Variants in TRMT11 observed in about 807,000 individuals in gnomAD.
TRMT11 encodes the protein tRNA methyltransferase 11.
A neutral mutation model predicts 62.8 loss-of-function variants in TRMT11; 53 were observed. That is an observed-to-expected ratio of 0.84 (90% CI 0.68 to 1.06). The LOEUF is 1.06. TRMT11 is among the 50% of genes least tolerant of loss of function. The pLI is 0.00. For synonymous variants in TRMT11, 188 were observed against 190.3 expected (o/e 0.99, Z 0.10); for missense variants, 556 against 553.4 (o/e 1.00, Z -0.05).
At chr6:126,003,578 G>A (rs1170774482) in intron 7 of TRMT11, among the ~76,000 whole-genome samples, 1 of 151,938 alleles carries the variant, frequency 6.6e-6, no homozygotes, top group Non-Finnish European at 1.5e-5. Context: ...TTGTTCTGTT[G>A]GGTGAAAAAT....
intron 1 of TRMT11, among the ~76,000 whole-genome samples, chr6:125,988,482 A>G (rs1790032370): frequency 6.6e-6 from 1 of 152,206 alleles, no homozygotes. Context: ...ATACAAGGGC[A>G]TGGTGGGAGG....
At chr6:126,233,038 C>A in the TRMT11 span, among the ~76,000 whole-genome samples, 2 of 152,024 alleles carry the variant, frequency 1.3e-5, no homozygotes, top group Admixed American at 1.3e-4. Context: ...GTTCTGCATG[C>A]TTTTTGTTTC....
chr6:126,183,811 CACTGGGGACGAT>C (rs1438935428), intron 1 of TRMT11, among the ~76,000 whole-genome samples: 4 of 146,498 alleles, frequency 2.7e-5, no homozygotes, highest in African/African-American at 1.0e-4. Flanking sequence ...CTTTTTAAGG[CACTGGGGACGAT>C]ACGTGGGGAA....
chr6:126,244,260 A>G, the TRMT11 span, among the ~76,000 whole-genome samples: 2 of 151,978 alleles, frequency 1.3e-5, no homozygotes, highest in Admixed American at 1.3e-4. Context: ...ATTTTTTTAT[A>G]ATATAAGCTT....
At chr6:126,199,010 A>G (rs111571086) in intron 2 of TRMT11, 21 of 152,378 alleles carry the variant, frequency 1.4e-4, no homozygotes, top group East Asian at 5.8e-4. Flanking sequence ...AGTGACAATA[A>G]TACTGGTAGG....
intron 21 of TRMT11, among the ~76,000 whole-genome samples, chr6:126,151,963 T>C (rs1778062798): frequency 8.0e-6 from 1 of 124,942 alleles, no homozygotes; most frequent in Non-Finnish European, 1.7e-5. Flanking sequence ...TTTCTTTTCT[T>C]TCTTTCCTCT....
chr6:126,236,085 A>G, the TRMT11 span, among the ~76,000 whole-genome samples: 1 of 152,204 alleles, frequency 6.6e-6, no homozygotes, highest in African/African-American at 2.4e-5. Flanking sequence ...GGACTTAACC[A>G]TTATACTCAG....
chr6:126,111,667 A>G (rs1777533556), intron 17 of TRMT11, among the ~76,000 whole-genome samples: 1 of 152,040 alleles, frequency 6.6e-6, no homozygotes, highest in Non-Finnish European at 1.5e-5. Context: ...GACATGTACC[A>G]TCTGGGTTTG....
the TRMT11 span, among the ~76,000 whole-genome samples, chr6:126,242,036 C>T: frequency 6.6e-6 from 1 of 152,182 alleles, no homozygotes; most frequent in Non-Finnish European, 1.5e-5. Context: ...TAGAAAACCC[C>T]ATCGTCTCAG....
chr6:126,048,282 A>G (rs895501621), intron 16 of TRMT11, among the ~76,000 whole-genome samples: 4 of 152,206 alleles, frequency 2.6e-5, no homozygotes, highest in Admixed American at 1.3e-4. Context: ...AGAACTGAAA[A>G]TGGAAGTAGT....
chr6:126,122,114 G>C (rs761105192), intron 21 of TRMT11, among the ~76,000 whole-genome samples: 1 of 152,022 alleles, frequency 6.6e-6, no homozygotes, highest in South Asian at 2.1e-4. Flanking sequence ...TGCACATGCT[G>C]TCTTGCCTGC....
chr6:126,120,956 C>A (rs1184732045), intron 21 of TRMT11, among the ~76,000 whole-genome samples: 1 of 152,062 alleles, frequency 6.6e-6, no homozygotes, highest in Non-Finnish European at 1.5e-5. Flanking sequence ...GCCTTGGTAC[C>A]ATTTTGGTGA....
intron 1 of TRMT11, among the ~76,000 whole-genome samples, chr6:126,187,613 A>G (rs1454194891): frequency 6.6e-6 from 1 of 152,060 alleles, no homozygotes; most frequent in Non-Finnish European, 1.5e-5. Context: ...TTCTGAAGAA[A>G]TTGATAAATT....
At chr6:126,065,278 T>C (rs1776656396) in intron 17 of TRMT11, among the ~76,000 whole-genome samples, 1 of 152,194 alleles carries the variant, frequency 6.6e-6, no homozygotes, top group Non-Finnish European at 1.5e-5. Flanking sequence ...CTTGTTCTTC[T>C]ATCACGTGTC....
intron 17 of TRMT11, among the ~76,000 whole-genome samples, chr6:126,092,064 C>T (rs998147499): frequency 6.6e-6 from 1 of 152,024 alleles, no homozygotes. Context: ...AGGAGCTGTT[C>T]GAGAAATATA....
At chr6:126,244,901 G>A in the TRMT11 span, among the ~76,000 whole-genome samples, 15 of 152,088 alleles carry the variant, frequency 9.9e-5, no homozygotes, top group Non-Finnish European at 1.8e-4. Context: ...TGGTCAAGAC[G>A]TTTAACTTTT....
At chr6:126,055,712 A>G (rs1275564045) in intron 17 of TRMT11, among the ~76,000 whole-genome samples, 1 of 152,150 alleles carries the variant, frequency 6.6e-6, no homozygotes, top group Non-Finnish European at 1.5e-5. Context: ...ATTTCTTTGT[A>G]TGACTAAACC....
chr6:126,027,912 T>C (rs545454275), intron 12 of TRMT11, among the ~76,000 whole-genome samples: 2 of 152,256 alleles, frequency 1.3e-5, no homozygotes, highest in African/African-American at 4.8e-5. Context: ...TAATAGACAC[T>C]GAGGTCACTT....
At chr6:126,061,537 T>A (rs973529155) in intron 17 of TRMT11, among the ~76,000 whole-genome samples, 2 of 128,526 alleles carry the variant, frequency 1.6e-5, no homozygotes, top group Non-Finnish European at 3.1e-5. Context: ...TAAGGATCAG[T>A]CAATTTTTTT....
Sources: allele counts gnomAD v4.1 joint callset (sites outside exome capture counted in the v4.1 genomes callset), GRCh38; gene constraint gnomAD v4.1.1; transcripts MANE v1.5; gene names NCBI Gene and HGNC (gene_info 2026-07-23, HGNC 2026-07-21).